GOPC: variants seen among roughly 807,000 people sequenced by gnomAD.
The protein encoded by GOPC is Golgi-associated PDZ and coiled-coil motif-containing protein.
A neutral mutation model predicts 51.2 loss-of-function variants in GOPC; 32 were observed. The observed-to-expected ratio is 0.63, with a 90% CI of 0.47 to 0.84. The LOEUF (loss-of-function observed/expected upper bound fraction) is 0.84. Ranked by LOEUF, GOPC falls within the 40% of genes least tolerant of loss-of-function variation. The probability of loss-of-function intolerance (pLI) is 0.00; values close to 1 mark genes in which losing one functional copy is unlikely to be tolerated. For synonymous variants in GOPC, 190 were observed against 205.1 expected, an observed-to-expected ratio of 0.93 and a Z score of 0.63; for missense variants, 441 against 555.5, an observed-to-expected ratio of 0.79 and a Z score of 2.07.
chr6:117,596,494 A>G (rs763381672), intron 1 of GOPC, among the ~76,000 whole-genome samples: 1 of 152,118 alleles, frequency 6.6e-6, no homozygotes, highest in Non-Finnish European at 1.5e-5. Flanking sequence ...GGTTTTTCCA[A>G]TGTTATCTTC....
intron 1 of GOPC, among the ~76,000 whole-genome samples, chr6:117,593,267 A>C (rs1420465497): frequency 6.6e-6 from 1 of 151,974 alleles, no homozygotes; most frequent in Non-Finnish European, 1.5e-5. Flanking sequence ...AAAAGCCATC[A>C]GACAGAAACT....
chr6:117,582,299 C>CACAA (rs1779971320), intron 1 of GOPC, among the ~76,000 whole-genome samples: 1 of 149,964 alleles, frequency 6.7e-6, no homozygotes, highest in Admixed American at 6.7e-5. Flanking sequence ...CACACACACA[C>CACAA]ACACACACAC....
intron 1 of GOPC, among the ~76,000 whole-genome samples, chr6:117,596,856 C>G (rs543075828): frequency 2.6e-4 from 40 of 152,146 alleles, no homozygotes; most frequent in East Asian, 7.7e-4. Context: ...CTTAGTCTTG[C>G]TTTGGCTATG....
chr6:117,567,057 G>A (rs1779712580), intron 7 of GOPC, 23 bp from the exon 8 acceptor site: 1 of 1,524,224 alleles, frequency 6.6e-7, no homozygotes. Flanking sequence ...ATGAAAATGA[G>A]AAAGTCAAGT....
At chr6:117,578,078 T>C (rs769063827) in intron 2 of GOPC, among the ~76,000 whole-genome samples, 7 of 152,128 alleles carry the variant, frequency 4.6e-5, no homozygotes, top group Non-Finnish European at 7.4e-5. Flanking sequence ...CTGCTATCTC[T>C]TACACACTCA....
chr6:117,569,935 T>A (rs2114607669), intron 6 of GOPC, 199 bp from the exon 7 acceptor site: 1 of 532,276 alleles, frequency 1.9e-6, no homozygotes, highest in South Asian at 4.9e-5. Flanking sequence ...GGCTAAATTC[T>A]TAAATTAAAA....
At chr6:117,566,788 G>C (rs1779705377) in intron 8 of GOPC, 66 bp downstream of exon 8, 2 of 989,024 alleles carry the variant, frequency 2.0e-6, no homozygotes, top group African/African-American at 3.3e-5. Context: ...AAATTCTGAG[G>C]CCTTCACATT....
At position 117,561,701 on chromosome 6, in the gene GOPC, T is replaced by G. The variant is rs1324127960; in HGVS notation, c.*1553A>C. ...CTCAGAGACAATGCTATAAAGTATT[T>G]TAATGTCAGTAACAATATACACTAC... On this transcript the variant is annotated 3_prime_UTR_variant, in exon 9 of 9. Transcript: ENST00000368498. 1 of 205,914 alleles carries G rather than the reference T, an allele frequency of 4.9e-6. No individual in the cohort carries two copies. The highest frequency in any genetic ancestry group is 7.5e-5 in the East Asian group (1 of 13,402). The allele number at this position is 205,914 out of a possible 1,614,324, so 12.8% of individuals were successfully genotyped here.
chr6:117,587,335 A>G (rs1780047455), intron 1 of GOPC, among the ~76,000 whole-genome samples: 1 of 152,162 alleles, frequency 6.6e-6, no homozygotes, highest in Admixed American at 6.5e-5. Flanking sequence ...TGAAGTACAT[A>G]GAGGTTAGGT....
chr6:117,579,892 T>C (rs961457638), intron 1 of GOPC, among the ~76,000 whole-genome samples: 1 of 152,120 alleles, frequency 6.6e-6, no homozygotes, highest in African/African-American at 2.4e-5. Context: ...TCATAATTTA[T>C]GCCCTTGACA....
At chr6:117,591,396 G>A (rs769579837) in intron 1 of GOPC, among the ~76,000 whole-genome samples, 4 of 152,210 alleles carry the variant, frequency 2.6e-5, no homozygotes, top group African/African-American at 9.6e-5. Context: ...ACATGGTTCT[G>A]ACCTTCAAAC....
chr6:117,566,631 A>C (rs183730607), intron 8 of GOPC, among the ~76,000 whole-genome samples: 127 of 152,286 alleles, frequency 8.3e-4, no homozygotes, highest in South Asian at 1.9e-3. Flanking sequence ...CAGTAGAGTA[A>C]CTGGTAATGT....
rs36051454 is a variant in GOPC, at chr6:117,591,733, G to T, written c.285+10271C>A. On this transcript the variant is annotated intron_variant, in intron 1 of 8. Coordinates refer to ENST00000368498, the MANE Select transcript of GOPC (RefSeq NM_020399.4). ...ATTGAGGCAAAAGCAGCTAAGAAGG[G>T]GTGATAAGAGATAAGGAGAGACAGA... Among the ~76,000 whole-genome samples, 1,124 of 152,184 alleles carry T rather than the reference G, an allele frequency of 7.4e-3. 6 individuals are homozygous for T. The highest frequency in any genetic ancestry group is 0.01 in the Non-Finnish European group (693 of 68,002).
intron 8 of GOPC, among the ~76,000 whole-genome samples, chr6:117,564,673 A>T (rs1779657933): frequency 6.6e-6 from 1 of 152,212 alleles, no homozygotes; most frequent in Admixed American, 6.5e-5. Context: ...AAGTGTCTGC[A>T]ATTTGCATAT....
chr6:117,600,413 C>T (rs1016029877), intron 1 of GOPC, among the ~76,000 whole-genome samples: 9 of 152,186 alleles, frequency 5.9e-5, no homozygotes, highest in African/African-American at 1.7e-4. Context: ...TCAATACTGT[C>T]ACATTGAGGA....
At chr6:117,569,488 G>A in intron 7 of GOPC, 84 bp downstream of exon 7, 1 of 1,522,258 alleles carries the variant, frequency 6.6e-7, no homozygotes, top group South Asian at 1.3e-5. Flanking sequence ...TACTACTTTA[G>A]AAACTTCGTA....
intron 5 of GOPC, among the ~76,000 whole-genome samples, chr6:117,571,251 G>C (rs11153675): frequency 0.14 from 21,051 of 151,966 alleles, 2,048 homozygotes; most frequent in East Asian, 0.3. Context: ...ATTAATTGAG[G>C]AACAAATATC....
In GOPC at chr6:117,575,258, C is replaced by T. The variant is rs374207248; in HGVS notation, c.569G>A (p.Arg190His). Residue 190 changes from arginine (R) to histidine (H), a missense_variant, in exon 4 of 9, where the codon CGT (arginine) becomes CAT (histidine). By Grantham distance (29) the Arg-to-His change is conservative (BLOSUM62 0). Around this residue, in one of 3 missense-constraint regions of GOPC, gnomAD observed 166 missense variants for 267.0 expected, o/e 0.62. Transcript: ENST00000368498. ...KLLRKENEAL[R>H]RHIAVLQAEV... ...AGCCTGGAGAACAGCTATATGTCTA[C>T]GAAGGGCTTCATTCTCTTTTCTCAA... 122 of 1,613,522 alleles carry T rather than the reference C, an allele frequency of 7.6e-5. No individual in the cohort carries two copies. The highest frequency in any genetic ancestry group is 9.7e-5 in the Non-Finnish European group (114 of 1,179,700).
At chr6:117,589,105 G>A (rs1039665513) in intron 1 of GOPC, among the ~76,000 whole-genome samples, 1 of 152,160 alleles carries the variant, frequency 6.6e-6, no homozygotes, top group Non-Finnish European at 1.5e-5. Context: ...GAAAGTGTAC[G>A]AATTTGTGTT....
Sources: allele counts gnomAD v4.1 joint callset (sites outside exome capture counted in the v4.1 genomes callset), GRCh38; gene constraint gnomAD v4.1.1; regional missense constraint gnomAD v4.1.1; transcripts MANE v1.5; gene names NCBI Gene and HGNC (gene_info 2026-07-23, HGNC 2026-07-21).